Variants in NDUFAF7 observed in about 807,000 individuals in gnomAD.
NDUFAF7 encodes the protein NADH:ubiquinone oxidoreductase complex assembly factor 7.
Under a neutral mutation model 47.2 loss-of-function variants are expected in NDUFAF7, and 48 were observed. The observed-to-expected ratio is 1.02, with a 90% CI of 0.81 to 1.29. The LOEUF (loss-of-function observed/expected upper bound fraction) is 1.29, where lower values mean the gene tolerates loss of function less well. NDUFAF7 is among the 50% of genes most tolerant of loss of function. The pLI is 0.00. For missense variants in NDUFAF7, 635 were observed against 537.6 expected, an observed-to-expected ratio of 1.18 and a Z score of -1.79; for synonymous variants, 217 against 190.0, an observed-to-expected ratio of 1.14 and a Z score of -1.17.
chr2:37,243,798 T>A, intron 6 of NDUFAF7, 65 bp from the exon 7 acceptor site: 4 of 1,191,464 alleles, frequency 3.4e-6, no homozygotes, highest in Non-Finnish European at 5.0e-6. Flanking sequence ...AAAGCTATTT[T>A]TGGTAGAAGC....
intron 8 of NDUFAF7, among the ~76,000 whole-genome samples, chr2:37,246,932 G>T (rs1015133770): frequency 1.3e-5 from 2 of 152,046 alleles, no homozygotes; most frequent in Admixed American, 6.6e-5. Context: ...AGGCAGGTTT[G>T]TTATTTGTTA....
the NDUFAF7 span, among the ~76,000 whole-genome samples, chr2:37,263,616 C>T: frequency 2.0e-5 from 3 of 152,088 alleles, no homozygotes; most frequent in Non-Finnish European, 4.4e-5. Flanking sequence ...GGCCTTCTTT[C>T]ATTTCATTTA....
At chr2:37,266,327 A>ATT in the NDUFAF7 span, among the ~76,000 whole-genome samples, 6 of 152,218 alleles carry the variant, frequency 3.9e-5, no homozygotes, top group Admixed American at 1.3e-4. Context: ...AGCATTAACC[A>ATT]TTTTTTGTTG....
At chr2:37,254,591 G>T (rs1667786548), downstream of NDUFAF7, among the ~76,000 whole-genome samples, 1 of 152,202 alleles carries the variant, frequency 6.6e-6, no homozygotes, top group South Asian at 2.1e-4. Flanking sequence ...GTGATACTGG[G>T]TCAGTTACTA....
chr2:37,250,076 G>T (rs1572581467), downstream of NDUFAF7, among the ~76,000 whole-genome samples: 1 of 151,572 alleles, frequency 6.6e-6, no homozygotes, highest in Non-Finnish European at 1.5e-5. Context: ...ATTAGTGGTG[G>T]TGTATTTTAT....
Position 37,246,095 on chromosome 2 carries a change from G to A in NDUFAF7, c.836G>A (p.Gly279Asp). Residue 279 changes from glycine to aspartate, a missense_variant, in exon 8 of 10, where the codon GGT becomes GAT. Physicochemically the swap from Gly to Asp is moderately conservative, Grantham distance 94. Transcript: ENST00000002125. The stretch of plus-strand genomic sequence containing the variant: ...CATGTTGAAGTGTGTCCTGATGCTG[G>A]TGTTATCATCGAGGAACTTTCTCAA... ...RDHVEVCPDA[G>D]VIIEELSQRI... is the part of the protein sequence containing the mutation. 6.2e-7 allele frequency: 1 copy of A among 1,613,918 alleles called. No individual in the cohort carries two copies. The highest frequency in any genetic ancestry group is 8.5e-7 in the Non-Finnish European group (1 of 1,179,838).
chr2:37,237,044 C>T (rs934427592), intron 3 of NDUFAF7, among the ~76,000 whole-genome samples: 1 of 152,124 alleles, frequency 6.6e-6, no homozygotes, highest in African/African-American at 2.4e-5. Flanking sequence ...AATCTCGGCT[C>T]ACTGTAACCT....
the NDUFAF7 span, chr2:37,259,612 G>A: frequency 1.1e-5 from 17 of 1,613,090 alleles, no homozygotes; most frequent in Admixed American, 2.8e-4. Flanking sequence ...GATGCAAGCA[G>A]CACATTTTCT....
chr2:37,241,678 C>CT lies in NDUFAF7; in HGVS notation c.510dup (p.Lys171Ter). 1.2e-6 allele frequency: 2 copies of CT among 1,613,912 alleles called. No homozygotes were observed. The highest frequency in any genetic ancestry group is 1.7e-6 in the Non-Finnish European group (2 of 1,179,992). On this transcript the variant is annotated frameshift_variant, in exon 5 of 10. Transcript: ENST00000002125. LOFTEE classifies it high-confidence loss of function. Reference sequence around the variant, plus strand: ...AGTGAGATTCAAGCATTGACACTGACTAAAGAGAAGGTCCCGTTAGAGCGA... The same window carrying CT: ...AGTGAGATTCAAGCATTGACACTGACTTAAAGAGAAGGTCCCGTTAGAGCGA...
Position 37,237,737 on chromosome 2 carries a change from T to C in NDUFAF7, c.298-20T>C. 2 of 1,493,342 alleles carry C rather than the reference T, an allele frequency of 1.3e-6. No homozygotes were observed. Among genetic ancestry groups the C allele is most frequent in the Non-Finnish European group, 1.9e-6 (2 of 1,070,694 alleles). The allele number at this position is 1,493,342 out of a possible 1,614,324, so 92.5% of individuals were successfully genotyped here. On this transcript the variant is annotated intron_variant, in intron 3 of 9. Coordinates refer to ENST00000002125, the MANE Select transcript of NDUFAF7 (RefSeq NM_144736.5). Reference sequence around the variant, plus strand: ...ACTTTATAATACTTTAATATGTGTTTTTTTTTTCCCTTTTCACAGCTACTA... The same window carrying C: ...ACTTTATAATACTTTAATATGTGTTCTTTTTTTCCCTTTTCACAGCTACTA...
At chr2:37,256,035 A>G (rs2148478955), downstream of NDUFAF7, among the ~76,000 whole-genome samples, 1 of 152,276 alleles carries the variant, frequency 6.6e-6, no homozygotes, top group East Asian at 1.9e-4. Flanking sequence ...AGATAATAAA[A>G]AAGCCCAAAT....
intron 3 of NDUFAF7, among the ~76,000 whole-genome samples, chr2:37,236,705 C>T (rs1440848423): frequency 2.7e-5 from 4 of 150,682 alleles, no homozygotes; most frequent in East Asian, 2.0e-4. Flanking sequence ...GGCGTGAACC[C>T]GGGAGGCGGA....
At chr2:37,238,905 CAAAA>C (rs35512230) in intron 4 of NDUFAF7, among the ~76,000 whole-genome samples, 2 of 93,070 alleles carry the variant, frequency 2.1e-5, no homozygotes, top group Non-Finnish European at 2.1e-5. Context: ...GCTAAAAAAG[CAAAA>C]AAAAAAAAAA....
intron 7 of NDUFAF7, among the ~76,000 whole-genome samples, chr2:37,245,223 T>A (rs987197590): frequency 5.9e-5 from 9 of 152,220 alleles, no homozygotes; most frequent in African/African-American, 2.2e-4. Context: ...TTCATCTGAC[T>A]CTATGCCTGT....
chr2:37,246,306 T>C (rs1666894944), intron 8 of NDUFAF7, 111 bp downstream of exon 8: 1 of 1,232,576 alleles, frequency 8.1e-7, no homozygotes, highest in Non-Finnish European at 1.2e-6. Context: ...CATTATTTTA[T>C]AGTTAACATT....
rs765979011 is a variant in NDUFAF7, at chr2:37,236,127, A to T, written c.248A>T (p.Glu83Val). 1 of 1,613,176 alleles carries T rather than the reference A, an allele frequency of 6.2e-7. No homozygotes were observed. The highest frequency in any genetic ancestry group is 1.7e-5 in the Admixed American group (1 of 60,012). Residue 83 changes from glutamate to valine, a missense_variant, in exon 3 of 10, where the codon GAA (glutamate) becomes GTA (valine). Coordinates refer to ENST00000002125, the MANE Select transcript of NDUFAF7 (RefSeq NM_144736.5). ...TATGTGTACCGTGACATGCTAGGCG[A>T]AAAAGGAGATTTCATTACTTCACCT... is the stretch of plus-strand genomic sequence containing the variant. ...GYYVYRDMLGEKGDFITSPEI... is the reference protein window; with the variant it reads ...GYYVYRDMLGVKGDFITSPEI...
chr2:37,245,591 A>C (rs1666817359), intron 7 of NDUFAF7, among the ~76,000 whole-genome samples: 2 of 152,192 alleles, frequency 1.3e-5, no homozygotes, highest in African/African-American at 2.4e-5. Context: ...TAATTGTCTA[A>C]TAGGGTCTGC....
the NDUFAF7 span, among the ~76,000 whole-genome samples, chr2:37,264,663 C>T: frequency 6.6e-6 from 1 of 151,862 alleles, no homozygotes; most frequent in Non-Finnish European, 1.5e-5. Flanking sequence ...GAGGAAACAG[C>T]TAATGCAAAG....
chr2:37,249,467 C>G (rs1366407437), downstream of NDUFAF7, among the ~76,000 whole-genome samples: 1 of 151,848 alleles, frequency 6.6e-6, no homozygotes, highest in African/African-American at 2.4e-5. Context: ...ATCCTAGCTA[C>G]TCACGAGGCT....
Sources: allele counts gnomAD v4.1 joint callset (sites outside exome capture counted in the v4.1 genomes callset), GRCh38; gene constraint gnomAD v4.1.1; transcripts MANE v1.5; gene names NCBI Gene and HGNC (gene_info 2026-07-23, HGNC 2026-07-21).